The following RABGGTA variants were observed in gnomAD, a reference collection of about 807,000 sequenced individuals.
RABGGTA encodes the protein geranylgeranyl transferase type-2 subunit alpha.
RABGGTA carries 69 observed loss-of-function variants against 83.3 expected under a neutral mutation model. The ratio of observed to expected loss-of-function variants is 0.83; its 90% CI spans 0.68 to 1.01. RABGGTA has a LOEUF of 1.01. Among genes scored for constraint, RABGGTA ranks in the 50% least tolerant of loss-of-function variants. RABGGTA has a pLI of 0.00. For missense variants in RABGGTA, 681 were observed against 712.7 expected (o/e 0.96, Z 0.51); for synonymous variants, 310 against 299.8 (o/e 1.03, Z -0.35).
In RABGGTA at chr14:24,270,978, G is replaced by A. The variant is rs369309644; in HGVS notation, c.4-31C>T. The A allele has an allele frequency of 9.3e-6, 15 of 1,610,248 alleles. No individual in the cohort carries two copies. The African/African-American group carries it at 1.5e-4, about 16-fold the overall frequency. On this transcript the variant is annotated intron_variant, in intron 2 of 16. Coordinates refer to ENST00000216840, the MANE Select transcript of RABGGTA (RefSeq NM_182836.3). The stretch of plus-strand genomic sequence containing the variant: ...AGGATGAACGGGTTGGAAGAGTGCA[G>A]GTTGCCTTGCAGAAGCTGACCTGCA...
chr14:24,265,607 A>G lies in RABGGTA; in HGVS notation c.*8T>C. 6.2e-7 allele frequency: 1 copy of G among 1,613,030 alleles called. No homozygotes were observed. Among genetic ancestry groups the G allele is most frequent in the South Asian group, 1.1e-5 (1 of 91,000 alleles). ...AAGTTAAAGGGCAAGGGTAGGGGGC[A>G]GGGCCTCTTAGGTGAGGACGCTGCT... On this transcript the variant is annotated 3_prime_UTR_variant, in exon 17 of 17. Transcript: ENST00000216840.
chr14:24,268,104 C>A lies in RABGGTA; in HGVS notation c.1147+6G>T. ...GGGAGCAGACTCTCACGGAATGGGG[C>A]CTCACATTTATTCTCAGGCTCCAGC... On this transcript the variant is annotated splice_donor_region_variant and intron_variant, in intron 12 of 16. Coordinates refer to ENST00000216840, the MANE Select transcript of RABGGTA (RefSeq NM_182836.3). 1 of 1,613,796 alleles carries A rather than the reference C, an allele frequency of 6.2e-7. No individual in the cohort carries two copies. The highest frequency in any genetic ancestry group is 8.5e-7 in the Non-Finnish European group (1 of 1,179,800).
rs1363559377 is a variant in RABGGTA, at chr14:24,265,572, C to T, written c.*43G>A. The T allele has an allele frequency of 2.5e-6, 4 of 1,590,528 alleles. No individual in the cohort carries two copies. The South Asian group carries it at 4.5e-5, about 18-fold the overall frequency. On this transcript the variant is annotated 3_prime_UTR_variant, in exon 17 of 17. Coordinates refer to ENST00000216840, the MANE Select transcript of RABGGTA (RefSeq NM_182836.3). ...TGAGAGGGCCTCTCCATTCTTTATT[C>T]AGTCCCAATAAGTTAAAGGGCAAGG... is the stretch of plus-strand genomic sequence containing the variant.
Position 24,267,926 on chromosome 14 carries a change from C to G in RABGGTA, c.1180G>C (p.Ala394Pro). 3.7e-6 allele frequency: 6 copies of G among 1,613,776 alleles called. No individual in the cohort carries two copies. Among genetic ancestry groups the G allele is most frequent in the Non-Finnish European group, 5.1e-6 (6 of 1,179,852 alleles). The change falls in exon 13 of 17, where the codon GCA becomes CCA. Residue 394 changes from alanine (A) to proline (P), a missense_variant. By Grantham distance (27) the Ala-to-Pro change is conservative (BLOSUM62 -1). Coordinates refer to ENST00000216840, the MANE Select transcript of RABGGTA (RefSeq NM_182836.3). The stretch of plus-strand genomic sequence containing the variant: ...TTCTCATACAGCAGGGGGTCCAGTG[C>G]CCGCATCAGCAGGATGATGGTAAGC... ...CLLTIILLMRALDPLLYEKET... is the reference protein window; with the variant it reads ...CLLTIILLMRPLDPLLYEKET...
chr14:24,270,788 C>T, intron 3 of RABGGTA, 49 bp downstream of exon 3: 4 of 1,589,166 alleles, frequency 2.5e-6, no homozygotes, highest in Non-Finnish European at 3.4e-6. Context: ...GGCCTCTGCA[C>T]TATACTAAGG....
rs757844087 is a variant in RABGGTA at position 24,268,997 on chromosome 14, C to T, written c.716-4G>A. On this transcript the variant is annotated splice_region_variant and splice_polypyrimidine_tract_variant and intron_variant, in intron 7 of 16. Transcript: ENST00000216840. Reference sequence around the variant, plus strand: ...CGCAGTGCATCCTGGGGGTCAGCTGCGGGGAGACAGTGTCAGATTTCTTTA... The same window carrying T: ...CGCAGTGCATCCTGGGGGTCAGCTGTGGGGAGACAGTGTCAGATTTCTTTA... 1.1e-5 allele frequency: 17 copies of T among 1,580,472 alleles called. No individual in the cohort carries two copies. The highest frequency in any genetic ancestry group is 9.0e-5 in the Admixed American group (5 of 55,640).
Position 24,268,733 on chromosome 14 carries a change from GGCT to G in RABGGTA, c.889_891del (p.Ser297del). The G allele has an allele frequency of 6.3e-7, 1 of 1,594,128 alleles. No homozygotes were observed. Among genetic ancestry groups the G allele is most frequent in the Non-Finnish European group, 8.5e-7 (1 of 1,170,146 alleles). ...CACCAATCCTGGGATACCCAGACATGGCTGGGCCGGTTCCTGCCATCTGGGGTC... is the reference window on the plus strand; with the variant it reads ...CACCAATCCTGGGATACCCAGACATGGGGCCGGTTCCTGCCATCTGGGGTC... On this transcript the variant is annotated inframe_deletion, in exon 9 of 17. Coordinates refer to ENST00000216840, the MANE Select transcript of RABGGTA (RefSeq NM_182836.3).
At chr14:24,269,798 A>C in intron 5 of RABGGTA, 104 bp from the exon 6 acceptor site, 1 of 1,437,474 alleles carries the variant, frequency 7.0e-7, no homozygotes. Context: ...ACCTCAGTGC[A>C]CTCCACGGAG....
At position 24,268,140 on chromosome 14, in the gene RABGGTA, C is replaced by G. The variant is rs760713919; in HGVS notation, c.1117G>C (p.Glu373Gln). Residue 373 changes from glutamate to glutamine, a missense_variant, in exon 12 of 17, where the codon GAG becomes CAG. Coordinates refer to ENST00000216840, the MANE Select transcript of RABGGTA (RefSeq NM_182836.3). ...VLQSELESCK[E>Q]LQELEPENKW... is the part of the protein sequence containing the mutation. ...TTCTCAGGCTCCAGCTCCTGCAGCT[C>G]CTTACAGGATTCCAGCTCAGACTGC... 2 of 1,613,832 alleles carry G rather than the reference C, an allele frequency of 1.2e-6. No homozygotes were observed. Among genetic ancestry groups the G allele is most frequent in the African/African-American group, 1.3e-5 (1 of 74,916 alleles).
chr14:24,266,762 C>T lies in RABGGTA; in HGVS notation c.1467+14G>A, dbSNP rs1451461126. ...GAACCACCCGTGACAGGGACGGAGACATGGGTACTTTACCTCAAGGCAGCG... is the reference window on the plus strand; with the variant it reads ...GAACCACCCGTGACAGGGACGGAGATATGGGTACTTTACCTCAAGGCAGCG... On this transcript the variant is annotated intron_variant, in intron 15 of 16. Transcript: ENST00000216840. The T allele has an allele frequency of 7.5e-6, 12 of 1,597,366 alleles. No individual in the cohort carries two copies. In the East Asian group the frequency reaches 2.5e-4, roughly 33 times the overall value.
chr14:24,269,809 G>A (rs2040922617), intron 5 of RABGGTA, 115 bp from the exon 6 acceptor site: 2 of 1,425,042 alleles, frequency 1.4e-6, no homozygotes, highest in African/African-American at 1.4e-5. Context: ...CTCCACGGAG[G>A]ATGCATTTGG....
Position 24,268,980 on chromosome 14 carries a change from A to G in RABGGTA, c.729T>C (p.Asp243=). 1 of 1,586,366 alleles carries G rather than the reference A, an allele frequency of 6.3e-7. No homozygotes were observed. Among genetic ancestry groups the G allele is most frequent in the Non-Finnish European group, 8.6e-7 (1 of 1,165,170 alleles). The stretch of plus-strand genomic sequence containing the variant: ...GGCTCACATGCAGGCAGCGCAGTGC[A>G]TCCTGGGGGTCAGCTGCGGGGAGAC... ...RWLLGRADPQ[D]ALRCLHVSRD... Residue 243 remains aspartate, a synonymous_variant, in exon 8 of 17, where the codon GAT becomes GAC. Coordinates refer to ENST00000216840, the MANE Select transcript of RABGGTA (RefSeq NM_182836.3).
chr14:24,271,177 G>C lies in RABGGTA; in HGVS notation c.-54-8C>G. 6.7e-7 allele frequency: 1 copy of C among 1,493,078 alleles called. No homozygotes were observed. Among genetic ancestry groups the C allele is most frequent in the Non-Finnish European group, 8.9e-7 (1 of 1,120,540 alleles). The allele number at this position is 1,493,078 out of a possible 1,614,324, so 92.5% of individuals were successfully genotyped here. On this transcript the variant is annotated splice_polypyrimidine_tract_variant and splice_region_variant and intron_variant, in intron 1 of 16. Coordinates refer to ENST00000216840, the MANE Select transcript of RABGGTA (RefSeq NM_182836.3). Reference sequence around the variant, plus strand: ...AGTGGTAGCCCTTGAAGTCTGAGGAGAGAAGTGTCAATCACGTAGCCCCGC... The same window carrying C: ...AGTGGTAGCCCTTGAAGTCTGAGGACAGAAGTGTCAATCACGTAGCCCCGC...
Position 24,267,668 on chromosome 14 carries a change from C to A in RABGGTA, c.1345G>T (p.Ala449Ser). ...EYAEVRVLHL[A>S]HKDLTVLCHL... ...TGCATGGCAGCCCATACCTTGTGAG[C>A]CAGGTGCAGCACACGCACCTCGGCA... Residue 449 changes from alanine to serine, a missense_variant, in exon 14 of 17, where the codon GCT (alanine) becomes TCT (serine). Ala to Ser is a moderately conservative substitution (Grantham distance 99, BLOSUM62 1). Around this residue, in one of 5 missense-constraint regions of RABGGTA, gnomAD observed 421 missense variants for 418.5 expected, o/e 1.01. Transcript: ENST00000216840. The A allele has an allele frequency of 6.2e-7, 1 of 1,610,150 alleles. No individual in the cohort carries two copies. Among genetic ancestry groups the A allele is most frequent in the South Asian group, 1.1e-5 (1 of 90,582 alleles).
At position 24,268,991 on chromosome 14, in the gene RABGGTA, C is replaced by T; in HGVS notation, c.718G>A (p.Asp240Asn). 6.3e-7 allele frequency: 1 copy of T among 1,582,676 alleles called. No individual in the cohort carries two copies. Among genetic ancestry groups the T allele is most frequent in the South Asian group, 1.2e-5 (1 of 86,390 alleles). The change falls in exon 8 of 17, where the codon GAC (aspartate) becomes AAC (asparagine). Residue 240 changes from aspartate to asparagine, a missense_variant and splice_region_variant. By Grantham distance (23) the Asp-to-Asn change is conservative. Transcript: ENST00000216840. ...AGGCAGCGCAGTGCATCCTGGGGGT[C>T]AGCTGCGGGGAGACAGTGTCAGATT... ...FYHRWLLGRA[D>N]PQDALRCLHV...
Position 24,267,679 on chromosome 14 carries a change from A to C in RABGGTA, c.1334T>G (p.Val445Gly). ...VLKMEYAEVR[V>G]LHLAHKDLTV... is the part of the protein sequence containing the mutation. ...CCATACCTTGTGAGCCAGGTGCAGC[A>C]CACGCACCTCGGCATACTCCATCTT... Residue 445 changes from valine (V) to glycine (G), a missense_variant, in exon 14 of 17, where the codon GTG (valine) becomes GGG (glycine). By Grantham distance (109) the Val-to-Gly change is moderately radical (BLOSUM62 -3). Coordinates refer to ENST00000216840, the MANE Select transcript of RABGGTA (RefSeq NM_182836.3). The C allele has an allele frequency of 6.2e-7, 1 of 1,611,538 alleles. No homozygotes were observed. Among genetic ancestry groups the C allele is most frequent in the Non-Finnish European group, 8.5e-7 (1 of 1,179,614 alleles).
At position 24,268,668 on chromosome 14, in the gene RABGGTA, C is replaced by T. The variant is rs776185796; in HGVS notation, c.901-49G>A. The T allele has an allele frequency of 1.2e-5, 19 of 1,610,554 alleles. No individual in the cohort carries two copies. The African/African-American group carries it at 1.9e-4, about 16-fold the overall frequency. ...TGCCCCAGCCTAACCACTTTTTTGACTGTCCCACCCAGCCCTGCCCCAGAC... is the reference window on the plus strand; with the variant it reads ...TGCCCCAGCCTAACCACTTTTTTGATTGTCCCACCCAGCCCTGCCCCAGAC... On this transcript the variant is annotated intron_variant, in intron 9 of 16. Transcript: ENST00000216840.
At chr14:24,266,315 C>A in intron 16 of RABGGTA, 115 bp downstream of exon 16, 7 of 930,162 alleles carry the variant, frequency 7.5e-6, no homozygotes, top group South Asian at 7.2e-5. Flanking sequence ...CACTACAGAG[C>A]CCCCTCTCTC....
At chr14:24,271,286 A>ACGTGCAAAGCCTGTCC in intron 1 of RABGGTA, 117 bp from the exon 2 acceptor site, 1 of 836,968 alleles carries the variant, frequency 1.2e-6, no homozygotes, top group African/African-American at 1.7e-5. Context: ...AGGTCCTGGG[A>ACGTGCAAAGCCTGTCC]CAGGCTTTGC....
Sources: allele counts gnomAD v4.1 joint callset, GRCh38; gene constraint gnomAD v4.1.1; regional missense constraint gnomAD v4.1.1; transcripts MANE v1.5; gene names NCBI Gene and HGNC (gene_info 2026-07-23, HGNC 2026-07-21).